Variants in FUNDC2 observed in about 807,000 individuals in gnomAD.
FUNDC2 encodes FUN14 domain-containing protein 2.
Under a neutral mutation model 15.6 loss-of-function variants are expected in FUNDC2, and 4 were observed. The ratio of observed to expected loss-of-function variants is 0.26; its 90% CI spans 0.13 to 0.59. The LOEUF is 0.59. FUNDC2 is among the 20% of genes least tolerant of loss of function. FUNDC2 has a pLI of 0.90. For missense variants in FUNDC2, 98 were observed against 149.7 expected, an observed-to-expected ratio of 0.65 and a Z score of 1.80; for synonymous variants, 44 against 56.9, an observed-to-expected ratio of 0.77 and a Z score of 1.02.
At chrX:155,049,483 A>G (rs2073873819) in intron 3 of FUNDC2, 1 of 112,913 alleles carries the variant, frequency 8.9e-6, no homozygotes, top group Non-Finnish European at 1.9e-5. Context: ...TGTCTTGACT[A>G]CTGTAGCATT....
chrX:155,056,521 CTATT>C lies in FUNDC2; in HGVS notation c.*1851_*1854del, dbSNP rs1569560255. 2 of 91,308 alleles carry C rather than the reference CTATT, an allele frequency of 2.2e-5. No homozygotes were observed. Among genetic ancestry groups the C allele is most frequent in the East Asian group, 3.2e-4 (1 of 3,115 alleles). The allele number at this position is 91,308 out of a possible 1,213,427, so 7.5% of individuals were successfully genotyped here. ...GTCTCTTAACCTTATAGATCCTCCT[CTATT>C]TTTTTTTTTTTGCTTGCTATATATT... On this transcript the variant is annotated 3_prime_UTR_variant, in exon 5 of 5. Transcript: ENST00000369498.
chrX:155,050,746 G>T (rs782818561), intron 3 of FUNDC2: 1 of 111,961 alleles, frequency 8.9e-6, no homozygotes, highest in South Asian at 3.7e-4. Context: ...ACTTTCCTCT[G>T]AATTGCCCTT....
At chrX:155,054,475 A>G in intron 4 of FUNDC2, 120 bp from the exon 5 acceptor site, 2 of 1,144,152 alleles carry the variant, frequency 1.7e-6, no homozygotes, top group Non-Finnish European at 2.3e-6. Flanking sequence ...GTAAAGTGCA[A>G]ATTACGTAAC....
chrX:155,052,181 A>G (rs2073881301), intron 4 of FUNDC2, among the ~76,000 whole-genome samples: 1 of 112,045 alleles, frequency 8.9e-6, no homozygotes, highest in Admixed American at 9.4e-5. Flanking sequence ...AAATGTCACA[A>G]GTATTCAACT....
intron 3 of FUNDC2, chrX:155,050,800 T>A (rs1330609375): frequency 8.9e-6 from 1 of 112,213 alleles, no homozygotes; most frequent in Admixed American, 9.4e-5. Flanking sequence ...CTATAAGAAG[T>A]TCACTTTTTT....
In FUNDC2 at chrX:155,057,970, G is replaced by C. The variant is rs954239684; in HGVS notation, c.*3298G>C. The stretch of plus-strand genomic sequence containing the variant: ...GACACGGGAGCTGGGTGCGGGGAGA[G>C]ATGTGGTGGTGGGGACCCTTGCCTG... On this transcript the variant is annotated 3_prime_UTR_variant, in exon 5 of 5. Transcript: ENST00000369498. 5 of 111,225 alleles carry C rather than the reference G, an allele frequency of 4.5e-5. No homozygotes were observed. Among genetic ancestry groups the C allele is most frequent in the African/African-American group, 1.3e-4 (4 of 30,441 alleles). 9.2% of individuals were successfully genotyped at this position (111,225 alleles called of 1,213,427 possible).
chrX:155,055,289 A>G lies in FUNDC2; in HGVS notation c.*617A>G. ...ATAATGTATCTCATGGCTGTTTCCAAAGGGTTTATTTATTGTAAAACAAGT... is the reference window on the plus strand; with the variant it reads ...ATAATGTATCTCATGGCTGTTTCCAGAGGGTTTATTTATTGTAAAACAAGT... On this transcript the variant is annotated 3_prime_UTR_variant, in exon 5 of 5. Coordinates refer to ENST00000369498, the MANE Select transcript of FUNDC2 (RefSeq NM_023934.4). 1 of 297,486 alleles carries G rather than the reference A, an allele frequency of 3.4e-6. No homozygotes were observed. Among genetic ancestry groups the G allele is most frequent in the Non-Finnish European group, 5.9e-6 (1 of 170,321 alleles). 24.5% of individuals were successfully genotyped at this position (297,486 alleles called of 1,213,427 possible). A position where few individuals can be genotyped will look rare whatever the true frequency, so the allele number is the denominator to read the frequency against.
intron 3 of FUNDC2, chrX:155,049,293 A>C (rs1312149321): frequency 1.8e-5 from 2 of 112,943 alleles, no homozygotes; most frequent in Non-Finnish European, 3.7e-5. Flanking sequence ...AGTAATGCCA[A>C]GGAGAGCAGG....
intron 2 of FUNDC2, among the ~76,000 whole-genome samples, chrX:155,034,142 T>TA (rs782613136): frequency 2.7e-5 from 3 of 112,064 alleles, no homozygotes; most frequent in Admixed American, 9.4e-5. Context: ...CTGCTAAGGT[T>TA]AAAAAAAACG....
chrX:155,028,723 A>C (rs2073804597), intron 1 of FUNDC2, among the ~76,000 whole-genome samples: 1 of 112,023 alleles, frequency 8.9e-6, no homozygotes, highest in Admixed American at 9.4e-5. Flanking sequence ...ATTAAAAATC[A>C]AATGACTATA....
chrX:155,037,202 A>G (rs948840721), intron 2 of FUNDC2, among the ~76,000 whole-genome samples: 2 of 111,299 alleles, frequency 1.8e-5, no homozygotes, highest in Non-Finnish European at 3.8e-5. Context: ...TCAAGTTGCC[A>G]TTGTTCATTG....
intron 3 of FUNDC2, 97 bp downstream of exon 3, chrX:155,046,681 C>T (rs1179726846): frequency 2.8e-5 from 18 of 640,375 alleles, no homozygotes; most frequent in Non-Finnish European, 4.6e-5. Flanking sequence ...CTATGTCACA[C>T]TAGACTAGCC....
chrX:155,042,173 A>ATTTTTTTTTT (rs2073849188), intron 2 of FUNDC2, among the ~76,000 whole-genome samples: 1 of 58,708 alleles, frequency 1.7e-5, no homozygotes, highest in African/African-American at 7.6e-5. Context: ...TTCTTTTTCT[A>ATTTTTTTTTT]TCTTTTTTTT....
chrX:155,028,099 A>T (rs1488341031), intron 1 of FUNDC2, among the ~76,000 whole-genome samples: 1 of 111,812 alleles, frequency 8.9e-6, no homozygotes, highest in Non-Finnish European at 1.9e-5. Flanking sequence ...GACTTTTATA[A>T]GAGCAGACTG....
chrX:155,031,102 T>C (rs1390035572), intron 1 of FUNDC2, among the ~76,000 whole-genome samples: 1 of 112,037 alleles, frequency 8.9e-6, no homozygotes, highest in East Asian at 2.8e-4. Context: ...ATTTGCCCAT[T>C]CCAGTGTCTC....
intron 1 of FUNDC2, chrX:155,033,138 C>T (rs1191327319): frequency 4.1e-5 from 9 of 220,735 alleles, no homozygotes; most frequent in South Asian, 2.3e-4. Context: ...TGAGCCACCG[C>T]GCCCAGCCTT....
chrX:155,053,071 G>A (rs1034131729), intron 4 of FUNDC2, among the ~76,000 whole-genome samples: 9 of 112,013 alleles, frequency 8.0e-5, no homozygotes, highest in African/African-American at 2.9e-4. Context: ...GTCTCCCTGT[G>A]TTGTCCTGGC....
chrX:155,051,867 T>G lies in FUNDC2; in HGVS notation c.492+66T>G, dbSNP rs782094743. 3.1e-5 allele frequency: 34 copies of G among 1,090,108 alleles called. No homozygotes were observed. The Middle Eastern group carries it at 1.3e-3, about 40-fold the overall frequency. 89.8% of individuals were successfully genotyped at this position (1,090,108 alleles called of 1,213,427 possible). A position where few individuals can be genotyped will look rare whatever the true frequency, so the allele number is the denominator to read the frequency against. On this transcript the variant is annotated intron_variant, in intron 4 of 4. Coordinates refer to ENST00000369498, the MANE Select transcript of FUNDC2 (RefSeq NM_023934.4). ...AGACAAAAACAGGGCTTAACCCTAT[T>G]GTACCATATCTCAGTGATGGACAGG...
chrX:155,029,162 T>C (rs181180359), intron 1 of FUNDC2, among the ~76,000 whole-genome samples: 121 of 111,794 alleles, frequency 1.1e-3, no homozygotes, highest in African/African-American at 3.8e-3. Context: ...ACTCAGCTCC[T>C]ATGCTGTAAG....
Sources: gnomAD v4.1 joint callset for allele counts (sites outside exome capture counted in the v4.1 genomes callset) on GRCh38, gnomAD v4.1.1 for gene constraint, MANE v1.5 for transcripts, NCBI Gene and HGNC (gene_info 2026-07-23, HGNC 2026-07-21) for gene names.